Variants in SMG5 observed in about 807,000 individuals in gnomAD.
The protein encoded by SMG5 is SMG5 nonsense mediated mRNA decay factor, also known as nonsense-mediated mRNA decay factor SMG5.
SMG5 carries 53 observed loss-of-function variants against 122.9 expected under a neutral mutation model. The ratio of observed to expected loss-of-function variants is 0.43; its 90% CI spans 0.35 to 0.54. The LOEUF is 0.54. Among genes scored for constraint, SMG5 ranks in the 20% least tolerant of loss-of-function variants. SMG5 has a pLI of 0.01. For synonymous variants in SMG5, 477 were observed against 490.2 expected, an observed-to-expected ratio of 0.97 and a Z score of 0.35; for missense variants, 1,153 against 1,285.6, an observed-to-expected ratio of 0.90 and a Z score of 1.58.
At chr1:156,271,342 T>C (rs996866577) in intron 7 of SMG5, among the ~76,000 whole-genome samples, 5 of 152,228 alleles carry the variant, frequency 3.3e-5, no homozygotes, top group African/African-American at 1.2e-4. Context: ...AAGCCCAAGC[T>C]CATTATATAA....
rs1663019460 is a variant in SMG5, at chr1:156,282,731, A to C, written c.-51T>G. On this transcript the variant is annotated 5_prime_UTR_variant, in exon 1 of 22. Coordinates refer to ENST00000361813, the MANE Select transcript of SMG5 (RefSeq NM_015327.3). ...CGGTCACAGGCCCCTGCCACCCACC[A>C]CTACCGCCAACACTGCCGTCTCCGG... is the stretch of plus-strand genomic sequence containing the variant. The C allele has an allele frequency of 1.8e-5, 27 of 1,536,280 alleles. No homozygotes were observed. The East Asian group carries it at 6.4e-4, about 37-fold the overall frequency.
Position 156,272,379 on chromosome 1 carries a change from C to T in SMG5, c.654G>A (p.Leu218=), listed in dbSNP as rs142122309. 191 of 1,602,656 alleles carry T rather than the reference C, an allele frequency of 1.2e-4. 1 individual carries two copies. The African/African-American group carries it at 2.2e-3, about 18-fold the overall frequency. Residue 218 remains leucine, a synonymous_variant, in exon 7 of 22, where the codon CTG becomes CTA. Coordinates refer to ENST00000361813, the MANE Select transcript of SMG5 (RefSeq NM_015327.3). ...APQIGMPFNQ[L]GTLAGSKYYN... is the part of the protein sequence containing the mutation. ...AGTACTTGCTGCCTGCCAGGGTGCC[C>T]AGCTGATTGAAGGGCATTCCTAGGG...
intron 16 of SMG5, chr1:156,253,710 C>T (rs933431432): frequency 2.8e-5 from 17 of 605,928 alleles, no homozygotes; most frequent in African/African-American, 1.8e-4. Flanking sequence ...ATTACCAACC[C>T]GATGCAGGTC....
upstream of SMG5, chr1:156,286,489 G>A (rs769527529): frequency 6.2e-7 from 1 of 1,613,204 alleles, no homozygotes; most frequent in Non-Finnish European, 8.5e-7. Flanking sequence ...TTGGGGCAGA[G>A]GGTGGGGCAT....
chr1:156,284,253 C>T (rs766460721), upstream of SMG5: 3 of 152,224 alleles, frequency 2.0e-5, no homozygotes, highest in Non-Finnish European at 2.9e-5. Context: ...CCCCTTTAAG[C>T]TGGGCCCCAC....
At position 156,266,245 on chromosome 1, in the gene SMG5, T is replaced by TGGCGGCGAC. The variant is rs1004723508; in HGVS notation, c.1382_1390dup (p.Arg461_Arg463dup). The TGGCGGCGAC allele has an allele frequency of 1.6e-5, 26 of 1,614,060 alleles. No homozygotes were observed. The African/African-American group carries it at 3.3e-4, about 21-fold the overall frequency. On this transcript the variant is annotated inframe_insertion, in exon 12 of 22. Transcript: ENST00000361813. ...ACTGTCATCACCAACTTTGGGTGGG[T>TGGCGGCGAC]GGCGGCGACGGCGGAGACAGGAGAG...
intron 16 of SMG5, among the ~76,000 whole-genome samples, chr1:156,256,291 G>T (rs1661571978): frequency 6.7e-6 from 1 of 149,792 alleles, no homozygotes. Context: ...CCAGAGCCTA[G>T]GTGAGAGCCA....
intron 2 of SMG5, 130 bp from the exon 3 acceptor site, chr1:156,278,178 G>T: frequency 8.4e-7 from 1 of 1,193,498 alleles, no homozygotes; most frequent in Non-Finnish European, 1.2e-6. Context: ...GACATGCAGG[G>T]TCAATATGAC....
Position 156,270,038 on chromosome 1 carries a change from T to TCAAA in SMG5, c.714-1627_714-1624dup, listed in dbSNP as rs771187217. On this transcript the variant is annotated intron_variant, in intron 7 of 21. Coordinates refer to ENST00000361813, the MANE Select transcript of SMG5 (RefSeq NM_015327.3). ...CTAGGCGACAGAGCAAGACTCTGTC[T>TCAAA]CAAACAAACAAACAAACAAAAACCC... Among the ~76,000 whole-genome samples the TCAAA allele has an allele frequency of 1.1e-4, 16 of 151,944 alleles. No individual in the cohort carries two copies. In the South Asian group the frequency reaches 2.3e-3, roughly 22 times the overall value.
chr1:156,250,416 C>T lies in SMG5; in HGVS notation c.*171G>A. The T allele has an allele frequency of 3.0e-6, 2 of 660,420 alleles. No individual in the cohort carries two copies. Among genetic ancestry groups the T allele is most frequent in the Non-Finnish European group, 5.4e-6 (2 of 369,688 alleles). 40.9% of individuals were successfully genotyped at this position (660,420 alleles called of 1,614,324 possible). A position where few individuals can be genotyped will look rare whatever the true frequency, so the allele number is the denominator to read the frequency against. On this transcript the variant is annotated 3_prime_UTR_variant, in exon 22 of 22. Coordinates refer to ENST00000361813, the MANE Select transcript of SMG5 (RefSeq NM_015327.3). ...CGTCTTGGCAACAAAGGGACCCCAC[C>T]CTCCCAGCCGGCTCCTGGGCCCTCC...
intron 1 of SMG5, 145 bp downstream of exon 1, chr1:156,282,462 G>T (rs1662997261): frequency 2.5e-6 from 2 of 797,120 alleles, no homozygotes; most frequent in Admixed American, 2.5e-5. Context: ...GTTACTACGG[G>T]ACCCCGCCCC....
chr1:156,285,858 T>C (rs777753590), upstream of SMG5: 4 of 1,613,650 alleles, frequency 2.5e-6, no homozygotes, highest in Middle Eastern at 1.6e-4. Context: ...CTCATTCTCT[T>C]CCCTTGCCTA....
chr1:156,268,308 A>T lies in SMG5; in HGVS notation c.821T>A (p.Leu274Gln). The T allele has an allele frequency of 6.2e-7, 1 of 1,614,164 alleles. No individual in the cohort carries two copies. Among genetic ancestry groups the T allele is most frequent in the Non-Finnish European group, 8.5e-7 (1 of 1,180,006 alleles). ...HQLKKCETRKLSPGKKRCKDI... is the reference protein window; with the variant it reads ...HQLKKCETRKQSPGKKRCKDI... ...CACTCACCGCTTTTTGCCAGGAGAC[A>T]GTTTCCGAGTCTCACACTTCTTCAG... Residue 274 changes from leucine to glutamine, a missense_variant, in exon 8 of 22, where the codon CTG becomes CAG. Transcript: ENST00000361813.
chr1:156,253,621 T>A, intron 16 of SMG5, 113 bp from the exon 17 acceptor site: 1 of 897,448 alleles, frequency 1.1e-6, no homozygotes, highest in Admixed American at 1.8e-5. Flanking sequence ...GCAAAGTCAC[T>A]CTCTAGCACT....
chr1:156,272,211 T>TC (rs1662468363), intron 7 of SMG5, 109 bp downstream of exon 7: 3 of 969,346 alleles, frequency 3.1e-6, no homozygotes, highest in Non-Finnish European at 4.8e-6. Flanking sequence ...ATCTTAGCAT[T>TC]CCCCTATCTC....
At chr1:156,291,482 C>G in the SMG5 span, 1 of 1,613,540 alleles carries the variant, frequency 6.2e-7, no homozygotes, top group Non-Finnish European at 8.5e-7. Context: ...GATGTGGAAC[C>G]TCTACTACAT....
intron 18 of SMG5, 64 bp from the exon 19 acceptor site, chr1:156,252,568 G>A (rs1182279761): frequency 1.3e-6 from 2 of 1,535,436 alleles, no homozygotes; most frequent in Non-Finnish European, 1.8e-6. Context: ...AGGGGCTCTG[G>A]AGGAAGTATC....
intron 3 of SMG5, 55 bp downstream of exon 3, chr1:156,277,870 C>G (rs1384491026): frequency 6.8e-6 from 11 of 1,606,026 alleles, no homozygotes; most frequent in Middle Eastern, 1.7e-4. Context: ...GCCCACTTTC[C>G]TAGCTGTCTC....
chr1:156,276,178 G>A (rs1662678292), intron 4 of SMG5, among the ~76,000 whole-genome samples: 1 of 147,436 alleles, frequency 6.8e-6, no homozygotes, highest in Admixed American at 6.9e-5. Context: ...CCAGGCTGGA[G>A]TGCAGTGGCG....
Sources: gnomAD v4.1 joint callset for allele counts (sites outside exome capture counted in the v4.1 genomes callset) on GRCh38, gnomAD v4.1.1 for gene constraint, MANE v1.5 for transcripts, NCBI Gene and HGNC (gene_info 2026-07-23, HGNC 2026-07-21) for gene names.